Variants in SLC24A3 observed in about 807,000 individuals in gnomAD.
SLC24A3 encodes solute carrier family 24 member 3, also known as sodium/potassium/calcium exchanger 3.
Under a neutral mutation model 75.8 loss-of-function variants are expected in SLC24A3, and 28 were observed. The ratio of observed to expected loss-of-function variants is 0.37; its 90% CI spans 0.27 to 0.51. The LOEUF is 0.51. Among genes scored for constraint, SLC24A3 ranks in the 20% least tolerant of loss-of-function variants. SLC24A3 has a pLI of 0.94. For synonymous variants in SLC24A3, 372 were observed against 334.1 expected (o/e 1.11, Z -1.24); for missense variants, 663 against 847.8 (o/e 0.78, Z 2.71).
In SLC24A3 at chr20:19,684,156, T is replaced by C. The variant is rs2032646075; in HGVS notation, c.902-20T>C. On this transcript the variant is annotated intron_variant, in intron 10 of 16. Coordinates refer to ENST00000328041, the MANE Select transcript of SLC24A3 (RefSeq NM_020689.4). ...TCCTGGCCTCCATGTTATTTTACCT[T>C]ATGTTTTTCGTTTCCCTAGCAAATT... 1 of 1,610,080 alleles carries C rather than the reference T, an allele frequency of 6.2e-7. No individual in the cohort carries two copies. The highest frequency in any genetic ancestry group is 8.5e-7 in the Non-Finnish European group (1 of 1,176,780).
intron 3 of SLC24A3, among the ~76,000 whole-genome samples, chr20:19,520,351 T>A (rs1186962835): frequency 6.6e-6 from 1 of 151,766 alleles, no homozygotes; most frequent in African/African-American, 2.4e-5. Context: ...GCTGTTGGAG[T>A]TGCTGCCATC....
intron 2 of SLC24A3, among the ~76,000 whole-genome samples, chr20:19,514,665 G>A (rs2029948950): frequency 6.6e-6 from 1 of 152,222 alleles, no homozygotes; most frequent in Admixed American, 6.5e-5. Flanking sequence ...TGGCCCAGAA[G>A]GTTGATTGGA....
intron 2 of SLC24A3, among the ~76,000 whole-genome samples, chr20:19,479,572 T>C (rs1988018622): frequency 1.3e-5 from 2 of 152,182 alleles, no homozygotes; most frequent in Admixed American, 1.3e-4. Flanking sequence ...GGTGTGTGAG[T>C]GGGGAAGAGA....
chr20:19,545,474 C>T (rs908132262), intron 3 of SLC24A3, among the ~76,000 whole-genome samples: 1 of 151,974 alleles, frequency 6.6e-6, no homozygotes, highest in Non-Finnish European at 1.5e-5. Flanking sequence ...TGCTTTTTTT[C>T]GGACTCTTGC....
At chr20:19,451,525 G>A (rs1166765253) in intron 2 of SLC24A3, among the ~76,000 whole-genome samples, 4 of 152,202 alleles carry the variant, frequency 2.6e-5, no homozygotes, top group Non-Finnish European at 5.9e-5. Flanking sequence ...GTGCAGAGAT[G>A]ACTTGTGCCA....
At chr20:19,655,941 T>A (rs1233983067) in intron 7 of SLC24A3, among the ~76,000 whole-genome samples, 1 of 152,112 alleles carries the variant, frequency 6.6e-6, no homozygotes, top group Non-Finnish European at 1.5e-5. Context: ...TCAGTGTCTC[T>A]TAAGAGCCCT....
intron 2 of SLC24A3, among the ~76,000 whole-genome samples, chr20:19,449,959 TTCAG>T (rs1430824294): frequency 6.6e-6 from 1 of 152,214 alleles, no homozygotes; most frequent in Admixed American, 6.5e-5. Context: ...CATGCATTCA[TTCAG>T]TATTCTCATT....
intron 3 of SLC24A3, among the ~76,000 whole-genome samples, chr20:19,541,713 TA>T (rs2030500786): frequency 6.6e-6 from 1 of 152,228 alleles, no homozygotes; most frequent in Non-Finnish European, 1.5e-5. Flanking sequence ...CCTGAGATTG[TA>T]AAAACTTTTG....
At chr20:19,298,819 A>G (rs1383413130) in intron 2 of SLC24A3, among the ~76,000 whole-genome samples, 1 of 152,190 alleles carries the variant, frequency 6.6e-6, no homozygotes, top group East Asian at 1.9e-4. Context: ...TCGCCAGGAT[A>G]CAATGTAGAA....
chr20:19,677,675 C>CTTTTTTTTTTCTTTTTTTTTTTTTTT (rs2032540991), intron 9 of SLC24A3, among the ~76,000 whole-genome samples: 1 of 95,606 alleles, frequency 1.0e-5, no homozygotes, highest in Non-Finnish European at 2.2e-5. Flanking sequence ...TTTTAGGATT[C>CTTTTTTTTTTCTTTTTTTTTTTTTTT]TTTTTTTTTT....
intron 3 of SLC24A3, among the ~76,000 whole-genome samples, chr20:19,551,160 C>T (rs2030687234): frequency 6.6e-6 from 1 of 152,216 alleles, no homozygotes; most frequent in Admixed American, 6.5e-5. Context: ...CATCTTTCCA[C>T]TTAACAGAGC....
At chr20:19,707,235 C>T (rs2032941250) in intron 15 of SLC24A3, among the ~76,000 whole-genome samples, 1 of 152,148 alleles carries the variant, frequency 6.6e-6, no homozygotes, top group African/African-American at 2.4e-5. Flanking sequence ...AATGCATCCA[C>T]CCACCATGAG....
intron 3 of SLC24A3, among the ~76,000 whole-genome samples, chr20:19,519,440 C>T (rs2030061571): frequency 6.6e-6 from 1 of 152,152 alleles, no homozygotes; most frequent in Non-Finnish European, 1.5e-5. Flanking sequence ...TGAATGTTCC[C>T]TTGGATCTTT....
intron 8 of SLC24A3, among the ~76,000 whole-genome samples, chr20:19,668,774 T>G (rs1040534878): frequency 6.6e-6 from 1 of 152,216 alleles, no homozygotes; most frequent in Admixed American, 6.5e-5. Flanking sequence ...CTACAGCGTA[T>G]TGAATACATA....
At chr20:19,569,756 C>T (rs566096104) in intron 3 of SLC24A3, among the ~76,000 whole-genome samples, 1 of 152,298 alleles carries the variant, frequency 6.6e-6, no homozygotes, top group African/African-American at 2.4e-5. Flanking sequence ...TAACCCCCTT[C>T]CCCACACTTA....
At chr20:19,255,947 GA>G (rs1982801503) in intron 1 of SLC24A3, among the ~76,000 whole-genome samples, 1 of 151,818 alleles carries the variant, frequency 6.6e-6, no homozygotes, top group Non-Finnish European at 1.5e-5. Flanking sequence ...ATAAAAATAA[GA>G]ATTAGCTGGG....
chr20:19,719,179 T>C (rs979311843), intron 16 of SLC24A3, among the ~76,000 whole-genome samples: 1 of 151,518 alleles, frequency 6.6e-6, no homozygotes, highest in Non-Finnish European at 1.5e-5. Flanking sequence ...AATGAGAGGG[T>C]AGTGCTGTGG....
intron 2 of SLC24A3, among the ~76,000 whole-genome samples, chr20:19,391,766 C>G (rs182052707): frequency 6.6e-6 from 1 of 152,282 alleles, no homozygotes; most frequent in South Asian, 2.1e-4. Context: ...GTTTACACAG[C>G]CTCTATGTCT....
chr20:19,454,411 T>C (rs1218155542), intron 2 of SLC24A3, among the ~76,000 whole-genome samples: 1 of 152,214 alleles, frequency 6.6e-6, no homozygotes, highest in African/African-American at 2.4e-5. Flanking sequence ...CTTGATTTCA[T>C]TGTAGGATTT....
Sources: gnomAD v4.1 joint callset for allele counts (sites outside exome capture counted in the v4.1 genomes callset) on GRCh38, gnomAD v4.1.1 for gene constraint, MANE v1.5 for transcripts, NCBI Gene and HGNC (gene_info 2026-07-23, HGNC 2026-07-21) for gene names.